Variants in BTF3L4 observed in about 807,000 individuals in gnomAD.
BTF3L4 encodes the protein basic transcription factor 3 like 4, also known as transcription factor BTF3 homolog 4.
A neutral mutation model predicts 16.8 loss-of-function variants in BTF3L4; 6 were observed. That is an observed-to-expected ratio of 0.36 (90% CI 0.20 to 0.71). BTF3L4 has a LOEUF of 0.71. Ranked by LOEUF, BTF3L4 falls within the 30% of genes least tolerant of loss-of-function variation. BTF3L4 has a pLI of 0.58. For synonymous variants in BTF3L4, 39 were observed against 59.8 expected (o/e 0.65, Z 1.60); for missense variants, 92 against 186.9 (o/e 0.49, Z 2.96).
At chr1:52,084,690 G>A (rs1205995033) in intron 4 of BTF3L4, among the ~76,000 whole-genome samples, 6 of 151,896 alleles carry the variant, frequency 4.0e-5, no homozygotes, top group Non-Finnish European at 8.8e-5. Context: ...TACTCAGGAG[G>A]CTGATGCAGG....
At chr1:52,064,776 C>T (rs1226235008) in intron 2 of BTF3L4, 49 bp from the exon 3 acceptor site, 1 of 1,157,046 alleles carries the variant, frequency 8.6e-7, no homozygotes, top group Non-Finnish European at 1.3e-6. Flanking sequence ...TTGCAGTTGC[C>T]AGATGCCAGG....
In BTF3L4 at chr1:52,088,742, C is replaced by T. The variant is rs992477562; in HGVS notation, c.*1984C>T. 2 of 152,152 alleles carry T rather than the reference C, an allele frequency of 1.3e-5. No individual in the cohort carries two copies. Among genetic ancestry groups the T allele is most frequent in the African/African-American group, 4.8e-5 (2 of 41,436 alleles). The allele number at this position is 152,152 out of a possible 1,614,324, so 9.4% of individuals were successfully genotyped here. A position where few individuals can be genotyped will look rare whatever the true frequency, so the allele number is the denominator to read the frequency against. On this transcript the variant is annotated 3_prime_UTR_variant, in exon 6 of 6. Transcript: ENST00000313334. ...TGACCTTGGACAGGTCATCTAACTA[C>T]TCTGAAATTTATCATCAGTCAAATA...
chr1:52,081,473 G>A (rs1441722485), intron 3 of BTF3L4, among the ~76,000 whole-genome samples: 1 of 152,112 alleles, frequency 6.6e-6, no homozygotes, highest in African/African-American at 2.4e-5. Context: ...GAAAAATATA[G>A]TCCTACCATA....
chr1:52,061,327 A>G (rs928649640), intron 2 of BTF3L4, among the ~76,000 whole-genome samples: 6 of 151,928 alleles, frequency 3.9e-5, no homozygotes, highest in African/African-American at 1.5e-4. Flanking sequence ...TGTCTCCACT[A>G]AAAGTACAAA....
rs565434711 is a variant in BTF3L4 at position 52,061,699 on chromosome 1, G to A, written c.54+1798G>A. 2.9e-5 allele frequency among the ~76,000 whole-genome samples: 4 copies of A among 136,964 alleles called. No individual in the cohort carries two copies. In the South Asian group the frequency reaches 9.6e-4, roughly 33 times the overall value. 89.9% of individuals were successfully genotyped at this position (136,964 alleles called of 152,430 possible). A position where few individuals can be genotyped will look rare whatever the true frequency, so the allele number is the denominator to read the frequency against. On this transcript the variant is annotated intron_variant, in intron 2 of 5. Coordinates refer to ENST00000313334, the MANE Select transcript of BTF3L4 (RefSeq NM_152265.5). ...CTTGTTGCCCAGGCTGGAGTTCAATGGCACGATCTCAGCTCACTGCAACCT... is the reference window on the plus strand; with the variant it reads ...CTTGTTGCCCAGGCTGGAGTTCAATAGCACGATCTCAGCTCACTGCAACCT...
At chr1:52,056,979 A>G (rs1256943814) in intron 1 of BTF3L4, among the ~76,000 whole-genome samples, 6 of 152,158 alleles carry the variant, frequency 3.9e-5, no homozygotes, top group African/African-American at 7.2e-5. Context: ...GCAGTTTACC[A>G]TAGTTGTCCC....
intron 4 of BTF3L4, among the ~76,000 whole-genome samples, chr1:52,085,013 C>CTTTTTTTTTTTTTTTTTTTTTTTTTT (rs764763479): frequency 1.7e-5 from 1 of 58,514 alleles, no homozygotes. Context: ...TGAAAAAAAT[C>CTTTTTTTTTTTTTTTTTTTTTTTTTT]TTTTTTTTTT....
intron 3 of BTF3L4, among the ~76,000 whole-genome samples, chr1:52,075,818 C>G (rs1002439725): frequency 6.6e-6 from 1 of 151,816 alleles, no homozygotes; most frequent in African/African-American, 2.4e-5. Flanking sequence ...CAGGCGCCAC[C>G]ACACCCAGCT....
intron 4 of BTF3L4, among the ~76,000 whole-genome samples, chr1:52,084,794 TAAAAAAA>T (rs775717822): frequency 2.9e-5 from 4 of 139,590 alleles, no homozygotes; most frequent in South Asian, 4.6e-4. Flanking sequence ...ACCCTGTCTC[TAAAAAAA>T]AAAAAAGAAA....
intron 3 of BTF3L4, among the ~76,000 whole-genome samples, chr1:52,068,335 G>T (rs954317229): frequency 6.6e-6 from 1 of 152,154 alleles, no homozygotes; most frequent in Non-Finnish European, 1.5e-5. Flanking sequence ...AGGACTTACT[G>T]GACAGTGGTA....
At chr1:52,081,501 A>G (rs1409600971) in intron 3 of BTF3L4, among the ~76,000 whole-genome samples, 2 of 152,152 alleles carry the variant, frequency 1.3e-5, no homozygotes, top group Non-Finnish European at 2.9e-5. Context: ...TTCTTTTCCC[A>G]TTCTAAAATT....
intron 3 of BTF3L4, chr1:52,071,472 G>T (rs943837778): frequency 6.6e-6 from 1 of 152,150 alleles, no homozygotes; most frequent in Non-Finnish European, 1.5e-5. Flanking sequence ...AAAGAGTCTT[G>T]ACGGCTGGGA....
At chr1:52,072,903 C>A (rs1329077345) in intron 3 of BTF3L4, among the ~76,000 whole-genome samples, 1 of 152,124 alleles carries the variant, frequency 6.6e-6, no homozygotes, top group Non-Finnish European at 1.5e-5. Context: ...TGCAAAAATA[C>A]AAAAATTAGC....
At chr1:52,074,649 A>G (rs1273238332) in intron 3 of BTF3L4, among the ~76,000 whole-genome samples, 3 of 151,698 alleles carry the variant, frequency 2.0e-5, no homozygotes, top group African/African-American at 7.3e-5. Context: ...GGTGTAAGCC[A>G]CCACACCCAG....
chr1:52,057,467 CTTA>C (rs1214127857), intron 1 of BTF3L4, among the ~76,000 whole-genome samples: 1 of 152,198 alleles, frequency 6.6e-6, no homozygotes, highest in Non-Finnish European at 1.5e-5. Context: ...CTTCTGGGCC[CTTA>C]TTTCCTAATC....
At chr1:52,083,231 T>A (rs558995370) in intron 3 of BTF3L4, 109 bp from the exon 4 acceptor site, 196 of 860,410 alleles carry the variant, frequency 2.3e-4, no homozygotes, top group Non-Finnish European at 3.1e-4. Context: ...TACCTTGGGA[T>A]TACATAACTA....
At position 52,080,597 on chromosome 1, in the gene BTF3L4, G is replaced by A. The variant is rs1408014742; in HGVS notation, c.169-2743G>A. Among the ~76,000 whole-genome samples, 4 of 114,670 alleles carry A rather than the reference G, an allele frequency of 3.5e-5. No homozygotes were observed. The South Asian group carries it at 9.1e-4, about 26-fold the overall frequency. The allele number at this position is 114,670 out of a possible 152,430, so 75.2% of individuals were successfully genotyped here. A position where few individuals can be genotyped will look rare whatever the true frequency, so the allele number is the denominator to read the frequency against. ...TGCCCAGGCCAGAGTGCAATGGTGC[G>A]ATTTCGGCTTACTGCAACCTATGTC... On this transcript the variant is annotated intron_variant, in intron 3 of 5. Transcript: ENST00000313334.
At position 52,087,127 on chromosome 1, in the gene BTF3L4, C is replaced by T. The variant is rs1643979541; in HGVS notation, c.*369C>T. The stretch of plus-strand genomic sequence containing the variant: ...AACAGTTCTATTTATCCTCCTCCCT[C>T]CCCAGTAGAAATAAAAAAAATCTTT... On this transcript the variant is annotated 3_prime_UTR_variant, in exon 6 of 6. Coordinates refer to ENST00000313334, the MANE Select transcript of BTF3L4 (RefSeq NM_152265.5). The T allele has an allele frequency of 1.8e-5, 3 of 169,536 alleles. No individual in the cohort carries two copies. The highest frequency in any genetic ancestry group is 7.1e-5 in the African/African-American group (3 of 42,148). 10.5% of individuals were successfully genotyped at this position (169,536 alleles called of 1,614,324 possible).
At chr1:52,084,272 A>G (rs553998509) in intron 4 of BTF3L4, among the ~76,000 whole-genome samples, 1 of 152,070 alleles carries the variant, frequency 6.6e-6, no homozygotes, top group African/African-American at 2.4e-5. Flanking sequence ...CCCGAGTAGC[A>G]GGGACTACAG....
Sources: gnomAD v4.1 joint callset for allele counts (sites outside exome capture counted in the v4.1 genomes callset) on GRCh38, gnomAD v4.1.1 for gene constraint, MANE v1.5 for transcripts, NCBI Gene and HGNC (gene_info 2026-07-23, HGNC 2026-07-21) for gene names.